C7orf78: variants seen among roughly 807,000 people sequenced by gnomAD.
C7orf78 encodes putative uncharacterized protein C7orf78.
chr7:12,526,955 G>T, the C7orf78 span, among the ~76,000 whole-genome samples: 1 of 151,826 alleles, frequency 6.6e-6, no homozygotes, highest in African/African-American at 2.4e-5. Flanking sequence ...CCTAGTATAT[G>T]CTATGTGTCA....
At chr7:12,512,322 G>A in the C7orf78 span, among the ~76,000 whole-genome samples, 2 of 152,050 alleles carry the variant, frequency 1.3e-5, no homozygotes, top group Admixed American at 6.6e-5. Flanking sequence ...TTAGCTGTGG[G>A]TTTGTCATAT....
At chr7:12,507,074 G>A in the C7orf78 span, 1 of 365,930 alleles carries the variant, frequency 2.7e-6, no homozygotes, top group African/African-American at 2.2e-5. Flanking sequence ...GCCGAGACGG[G>A]CGGATCAGGA....
At chr7:12,531,708 G>C in the C7orf78 span, among the ~76,000 whole-genome samples, 4 of 152,112 alleles carry the variant, frequency 2.6e-5, no homozygotes, top group African/African-American at 9.7e-5. Context: ...CAACTTTGCA[G>C]AGTTACCATT....
At chr7:12,503,268 G>GA in the C7orf78 span, among the ~76,000 whole-genome samples, 8 of 150,948 alleles carry the variant, frequency 5.3e-5, no homozygotes, top group South Asian at 4.2e-4. Flanking sequence ...AAACACAAAA[G>GA]AAAAAAAATA....
chr7:12,511,158 G>T, the C7orf78 span, among the ~76,000 whole-genome samples: 1 of 151,958 alleles, frequency 6.6e-6, no homozygotes, highest in Non-Finnish European at 1.5e-5. Context: ...CCCCAATGTA[G>T]GTTCTTGGTG....
At chr7:12,530,230 C>T in the C7orf78 span, among the ~76,000 whole-genome samples, 1 of 152,126 alleles carries the variant, frequency 6.6e-6, no homozygotes, top group East Asian at 1.9e-4. Flanking sequence ...TAGTCGAAGA[C>T]TCCAGGTAGC....
the C7orf78 span, among the ~76,000 whole-genome samples, chr7:12,512,111 G>A: frequency 6.6e-6 from 1 of 151,514 alleles, no homozygotes; most frequent in Non-Finnish European, 1.5e-5. Context: ...TTTTTTAGTG[G>A]AGACTTTTGG....
chr7:12,519,307 G>T, the C7orf78 span, among the ~76,000 whole-genome samples: 1 of 152,160 alleles, frequency 6.6e-6, no homozygotes, highest in Non-Finnish European at 1.5e-5. Flanking sequence ...GCAACTCACA[G>T]CCCCAGACAA....
the C7orf78 span, among the ~76,000 whole-genome samples, chr7:12,525,627 C>T: frequency 3.1e-4 from 47 of 152,166 alleles, no homozygotes; most frequent in Middle Eastern, 3.4e-3. Context: ...ATTGTTTATA[C>T]ACTATTTAAA....
the C7orf78 span, among the ~76,000 whole-genome samples, chr7:12,509,841 T>C: frequency 2.0e-5 from 3 of 152,070 alleles, no homozygotes; most frequent in Non-Finnish European, 4.4e-5. Context: ...TCCCAGTACT[T>C]TGGGAGGCCA....
the C7orf78 span, among the ~76,000 whole-genome samples, chr7:12,498,254 G>A: frequency 1.3e-5 from 2 of 152,088 alleles, no homozygotes; most frequent in Non-Finnish European, 2.9e-5. Context: ...GACGAGCTGA[G>A]AGAAGAAGGC....
chr7:12,534,977 G>GGGAAGGAAGGAAGGAAGGAAGGAAGGAA, the C7orf78 span, among the ~76,000 whole-genome samples: 55 of 130,480 alleles, frequency 4.2e-4, 1 homozygote, highest in Non-Finnish European at 4.9e-4. Context: ...GAAGGAAGGA[G>GGGAAGGAAGGAAGGAAGGAAGGAAGGAA]GGAAGGAAGG....
chr7:12,513,880 G>A, the C7orf78 span, among the ~76,000 whole-genome samples: 9 of 152,154 alleles, frequency 5.9e-5, no homozygotes, highest in South Asian at 1.2e-3. Context: ...GGTGCCTGTA[G>A]TCCCAGCTAC....
At chr7:12,499,151 A>C in the C7orf78 span, among the ~76,000 whole-genome samples, 2,106 of 152,270 alleles carry the variant, frequency 0.014, 48 homozygotes, top group African/African-American at 0.048. Flanking sequence ...TAACAACCAT[A>C]GAGACTAGGA....
chr7:12,490,084 G>T, the C7orf78 span, among the ~76,000 whole-genome samples: 1 of 152,056 alleles, frequency 6.6e-6, no homozygotes, highest in African/African-American at 2.4e-5. Context: ...AGCACAATAT[G>T]AGGACAGATA....
the C7orf78 span, chr7:12,507,030 G>A: frequency 1.0e-4 from 45 of 432,368 alleles, no homozygotes; most frequent in Middle Eastern, 7.4e-4. Context: ...AGGGCCGGGC[G>A]CGGTGTCACC....
At chr7:12,511,358 G>A in the C7orf78 span, among the ~76,000 whole-genome samples, 1 of 151,910 alleles carries the variant, frequency 6.6e-6, no homozygotes, top group African/African-American at 2.4e-5. Context: ...TATTACTTTG[G>A]CAATTTGGGA....
the C7orf78 span, among the ~76,000 whole-genome samples, chr7:12,521,611 T>C: frequency 2.0e-5 from 3 of 151,090 alleles, no homozygotes; most frequent in South Asian, 4.2e-4. Flanking sequence ...TTTTTTATCA[T>C]GTCACCTAAA....
chr7:12,523,312 A>T, the C7orf78 span: 1 of 398,302 alleles, frequency 2.5e-6, no homozygotes, highest in Admixed American at 4.4e-5. Context: ...CAGCTCCTAA[A>T]TTTATAACTA....
Sources: allele counts gnomAD v4.1 joint callset (sites outside exome capture counted in the v4.1 genomes callset), GRCh38; gene constraint gnomAD v4.1.1; transcripts MANE v1.5; gene names NCBI Gene and HGNC (gene_info 2026-07-23, HGNC 2026-07-21).